SLC30A8: variants seen among roughly 807,000 people sequenced by gnomAD.
The protein encoded by SLC30A8 is proton-coupled zinc antiporter SLC30A8.
A neutral mutation model predicts 36.9 loss-of-function variants in SLC30A8; 27 were observed. The ratio of observed to expected loss-of-function variants is 0.73; its 90% confidence interval spans 0.54 to 1.01. The LOEUF (loss-of-function observed/expected upper bound fraction) is 1.01, where lower values mean the gene tolerates loss of function less well. SLC30A8 is among the 50% of genes least tolerant of loss of function. The probability of loss-of-function intolerance (pLI) is 0.00; values close to 1 mark genes in which losing one functional copy is unlikely to be tolerated. For synonymous variants in SLC30A8, 164 were observed against 172.4 expected, an observed-to-expected ratio of 0.95 and a Z score of 0.38; for missense variants, 439 against 452.0, an observed-to-expected ratio of 0.97 and a Z score of 0.26.
Position 117,024,700 on chromosome 8 carries a change from G to A in SLC30A8, c.-265-14519G>A, listed in dbSNP as rs527392500. ...CATGAGACTCCTTTTGTCTGTAATG[G>A]TTTGTTTTGGTGATAAACAAAGGTG... On this transcript the variant is annotated intron_variant, in intron 1 of 10. Coordinates refer to the SLC30A8 transcript ENST00000427715. Among the ~76,000 whole-genome samples the A allele has an allele frequency of 6.6e-5, 10 of 152,266 alleles. No individual in the cohort carries two copies. The East Asian group carries it at 1.2e-3, about 18-fold the overall frequency.
chr8:116,968,934 G>T lies in SLC30A8; in HGVS notation c.-266+17815G>T, dbSNP rs148598356. Among the ~76,000 whole-genome samples the T allele has an allele frequency of 7.2e-3, 1,094 of 151,948 alleles. 13 individuals carry two copies. The highest frequency in any genetic ancestry group is 0.019 in the South Asian group (90 of 4,806). On this transcript the variant is annotated intron_variant, in intron 1 of 10. Coordinates refer to the SLC30A8 transcript ENST00000427715. ...GTGTTTTTAGTGGAGAGGGGGTTTC[G>T]CCATGTTGGCCAGGATGGTCTCCAT...
intron 1 of SLC30A8, among the ~76,000 whole-genome samples, chr8:116,977,103 C>A (rs1327929631): frequency 6.7e-6 from 1 of 150,056 alleles, no homozygotes; most frequent in Non-Finnish European, 1.5e-5. Context: ...AGGCAGGAGC[C>A]ACCGTGCCTG....
chr8:116,965,974 C>T (rs1814587596), intron 1 of SLC30A8, among the ~76,000 whole-genome samples: 1 of 151,142 alleles, frequency 6.6e-6, no homozygotes, highest in Non-Finnish European at 1.5e-5. Flanking sequence ...ACCTCTGCCT[C>T]CTGGGTTCCA....
At chr8:117,147,254 TC>T in intron 2 of SLC30A8, 101 bp downstream of exon 2, 1 of 1,011,654 alleles carries the variant, frequency 9.9e-7, no homozygotes, top group Admixed American at 2.3e-5. Flanking sequence ...TTTAATATTT[TC>T]TGTAAGTATA....
chr8:117,029,511 A>G (rs1237362472), intron 1 of SLC30A8, among the ~76,000 whole-genome samples: 1 of 152,182 alleles, frequency 6.6e-6, no homozygotes, highest in African/African-American at 2.4e-5. Flanking sequence ...AATAATTTTG[A>G]CTTGCTTTGA....
chr8:117,012,760 C>T (rs1044440304), intron 1 of SLC30A8, among the ~76,000 whole-genome samples: 6 of 149,202 alleles, frequency 4.0e-5, no homozygotes, highest in African/African-American at 1.2e-4. Flanking sequence ...CACACACACA[C>T]GGTGGATCCT....
intron 1 of SLC30A8, among the ~76,000 whole-genome samples, chr8:117,025,605 T>C (rs796190137): frequency 6.6e-6 from 1 of 152,214 alleles, no homozygotes; most frequent in South Asian, 2.1e-4. Flanking sequence ...CCAAAATCCT[T>C]ATTTCCAGTT....
At chr8:117,022,057 G>A (rs1298303410) in intron 1 of SLC30A8, among the ~76,000 whole-genome samples, 6 of 151,758 alleles carry the variant, frequency 4.0e-5, no homozygotes, top group Non-Finnish European at 1.5e-5. Context: ...AAAATTAGCC[G>A]GGCATAGTGG....
At chr8:117,048,354 G>A (rs571135430) in intron 2 of SLC30A8, among the ~76,000 whole-genome samples, 3 of 152,314 alleles carry the variant, frequency 2.0e-5, no homozygotes, top group South Asian at 2.1e-4. Context: ...CAGGATTGAC[G>A]AGCTGGCAGG....
chr8:117,130,168 G>A (rs748946512), upstream of SLC30A8: 5 of 151,966 alleles, frequency 3.3e-5, no homozygotes, highest in Admixed American at 2.0e-4. Context: ...ACGCCTTGTG[G>A]TTGTGCTTCC....
intron 2 of SLC30A8, among the ~76,000 whole-genome samples, chr8:117,056,630 A>G (rs970869614): frequency 6.6e-6 from 1 of 152,188 alleles, no homozygotes; most frequent in Non-Finnish European, 1.5e-5. Context: ...GAGAAGTCTA[A>G]CTAAAGCCTG....
intron 2 of SLC30A8, among the ~76,000 whole-genome samples, chr8:117,090,184 A>T (rs878909635): frequency 6.6e-6 from 1 of 151,984 alleles, no homozygotes; most frequent in African/African-American, 2.4e-5. Context: ...GGCTGGTCTC[A>T]AACTCCTGAC....
intron 1 of SLC30A8, among the ~76,000 whole-genome samples, chr8:117,016,292 A>G (rs767214736): frequency 6.6e-6 from 1 of 152,212 alleles, no homozygotes; most frequent in Non-Finnish European, 1.5e-5. Context: ...ACCAATGGAT[A>G]ATAGAAGTCG....
intron 1 of SLC30A8, among the ~76,000 whole-genome samples, chr8:116,970,745 CA>C (rs1237682077): frequency 6.6e-6 from 1 of 152,106 alleles, no homozygotes; most frequent in Non-Finnish European, 1.5e-5. Flanking sequence ...TCACTTAGAA[CA>C]AAGGCTGACA....
At chr8:117,058,857 T>C (rs1158886672) in intron 2 of SLC30A8, among the ~76,000 whole-genome samples, 1 of 152,224 alleles carries the variant, frequency 6.6e-6, no homozygotes, top group Non-Finnish European at 1.5e-5. Context: ...GTAGCTGATT[T>C]CATGCTACAA....
At chr8:117,020,673 A>ATG (rs1393721839) in intron 1 of SLC30A8, among the ~76,000 whole-genome samples, 13 of 132,864 alleles carry the variant, frequency 9.8e-5, no homozygotes, top group African/African-American at 3.8e-4. Flanking sequence ...AATTGGATAT[A>ATG]CAGCTATTTT....
At chr8:117,082,932 A>G (rs888583681) in intron 2 of SLC30A8, among the ~76,000 whole-genome samples, 1 of 152,132 alleles carries the variant, frequency 6.6e-6, no homozygotes, top group African/African-American at 2.4e-5. Flanking sequence ...GCAGGCAGAA[A>G]CCAGACAAGT....
At chr8:117,172,175 C>T (rs1823417301) in intron 7 of SLC30A8, among the ~76,000 whole-genome samples, 1 of 152,086 alleles carries the variant, frequency 6.6e-6, no homozygotes, top group Non-Finnish European at 1.5e-5. Flanking sequence ...ACATACAAAG[C>T]CTGCAACCCA....
At chr8:117,075,700 T>C (rs920607182) in intron 2 of SLC30A8, among the ~76,000 whole-genome samples, 1 of 152,246 alleles carries the variant, frequency 6.6e-6, no homozygotes, top group Non-Finnish European at 1.5e-5. Context: ...TCTAATCCGT[T>C]CTTCATATTG....
Sources: gnomAD v4.1 joint callset for allele counts (sites outside exome capture counted in the v4.1 genomes callset) on GRCh38, gnomAD v4.1.1 for gene constraint, MANE v1.5 for transcripts, NCBI Gene and HGNC (gene_info 2026-07-23, HGNC 2026-07-21) for gene names.